ZBTB11: variants seen among roughly 807,000 people sequenced by gnomAD.
ZBTB11 encodes the protein zinc finger and BTB domain containing 11, also known as zinc finger and BTB domain-containing protein 11.
Under a neutral mutation model 113.1 loss-of-function variants are expected in ZBTB11, and 68 were observed. The observed-to-expected ratio is 0.60, with a 90% CI of 0.49 to 0.74. The LOEUF is 0.74. Among genes scored for constraint, ZBTB11 ranks in the 30% least tolerant of loss-of-function variants. The probability of loss-of-function intolerance (pLI) is 0.00; values close to 1 mark genes in which losing one functional copy is unlikely to be tolerated. For synonymous variants in ZBTB11, 518 were observed against 452.6 expected (o/e 1.14, Z -1.83); for missense variants, 1,104 against 1,279.4 (o/e 0.86, Z 2.09).
chr3:101,654,767 C>G lies in ZBTB11; in HGVS notation c.2246G>C (p.Gly749Ala), dbSNP rs1936766618. Residue 749 changes from glycine to alanine, a missense_variant, in exon 8 of 11, where the codon GGA (glycine) becomes GCA (alanine). Physicochemically the swap from Gly to Ala is moderately conservative, Grantham distance 60 (BLOSUM62 0). This residue lies in a region of ZBTB11 where 535 missense variants were observed against 518.6 expected (regional missense o/e 1.03). Coordinates refer to ENST00000312938, the MANE Select transcript of ZBTB11 (RefSeq NM_014415.4). The stretch of plus-strand genomic sequence containing the variant: ...GTGTTTCTTGAAGTGCTTGCTGAGT[C>G]CAGAGCCCCTATGAAAAGACTTTCC... ...VCGKSFHRGS[G>A]LSKHFKKHQP... 1.2e-6 allele frequency: 2 copies of G among 1,614,040 alleles called. No individual in the cohort carries two copies. Among genetic ancestry groups the G allele is most frequent in the Admixed American group, 1.7e-5 (1 of 59,988 alleles).
In ZBTB11 at chr3:101,676,676, A is replaced by G; in HGVS notation, c.239T>C (p.Leu80Pro). The G allele has an allele frequency of 1.9e-6, 3 of 1,594,812 alleles. No homozygotes were observed. The highest frequency in any genetic ancestry group is 2.6e-6 in the Non-Finnish European group (3 of 1,169,316). The change falls in exon 1 of 11, where the codon CTG (leucine) becomes CCG (proline). Residue 80 changes from leucine to proline, a missense_variant. Physicochemically the swap from Leu to Pro is moderately conservative, Grantham distance 98. Around this residue, in one of 5 missense-constraint regions of ZBTB11, gnomAD observed 245 missense variants for 272.5 expected, o/e 0.90. Transcript: ENST00000312938. ...GGTGTGGTGAGTGCCGCCGGGACCC[A>G]GGTGCGCCGCCTCGATGAGGTCCCG... ...RRRDLIEAAH[L>P]GPGGTHHTRH... is the part of the protein sequence containing the mutation.
intron 3 of ZBTB11, among the ~76,000 whole-genome samples, chr3:101,667,683 C>T (rs910846841): frequency 2.0e-5 from 3 of 151,804 alleles, no homozygotes; most frequent in Admixed American, 6.6e-5. Context: ...TTGTTTGAGA[C>T]GGAGTTTCGC....
chr3:101,674,833 AG>A, intron 1 of ZBTB11, among the ~76,000 whole-genome samples: 1 of 152,212 alleles, frequency 6.6e-6, no homozygotes, highest in South Asian at 2.1e-4. Context: ...ACTTAGAAAA[AG>A]AAAAATTCTG....
rs1465612358 is a variant in ZBTB11, at chr3:101,664,678, T to G, written c.1660A>C (p.Lys554Gln). Residue 554 changes from lysine to glutamine, a missense_variant, in exon 5 of 11, where the codon AAA becomes CAA. By Grantham distance (53) the Lys-to-Gln change is moderately conservative (BLOSUM62 1). This residue lies in a region of ZBTB11 where 535 missense variants were observed against 518.6 expected (regional missense o/e 1.03). Coordinates refer to ENST00000312938, the MANE Select transcript of ZBTB11 (RefSeq NM_014415.4). ...QKLVQRGKKM[K>Q]QPKRDAKENT... ...TCTTTAGCATCTCTTTTTGGCTGTT[T>G]CATCTTTTTTCCTCTTTGAACTAAC... 6.2e-7 allele frequency: 1 copy of G among 1,610,444 alleles called. No individual in the cohort carries two copies.
rs932591957 is a variant in ZBTB11, at chr3:101,659,966, T to C, written c.1863A>G (p.Arg621=). The C allele has an allele frequency of 2.1e-5, 34 of 1,614,116 alleles. No homozygotes were observed. Among genetic ancestry groups the C allele is most frequent in the Non-Finnish European group, 2.7e-5 (32 of 1,180,044 alleles). Residue 621 remains arginine (R), a synonymous_variant, in exon 6 of 11, where the codon AGA becomes AGG. Transcript: ENST00000312938. The part of the protein sequence containing the change: ...SLRAHLIRHT[R]KDAPSSSSSN... Reference sequence around the variant, plus strand: ...ACGAGGATGAAGAGGGTGCATCTTTTCTGGTATGACGAATAAGATGTGCTC... The same window carrying C: ...ACGAGGATGAAGAGGGTGCATCTTTCCTGGTATGACGAATAAGATGTGCTC...
chr3:101,649,299 A>G lies in ZBTB11; in HGVS notation c.*1867T>C, dbSNP rs1461076436. On this transcript the variant is annotated 3_prime_UTR_variant, in exon 11 of 11. Transcript: ENST00000312938. ...TCCATATCAATTATATGTAAGAGTA[A>G]GAAGTTTTAATATTGTGTTCCTCCA... 6.6e-6 allele frequency: 1 copy of G among 152,236 alleles called. No homozygotes were observed. Among genetic ancestry groups the G allele is most frequent in the East Asian group, 1.9e-4 (1 of 5,204 alleles). 9.4% of individuals were successfully genotyped at this position (152,236 alleles called of 1,614,324 possible).
chr3:101,662,771 T>G (rs1344811623), intron 5 of ZBTB11, among the ~76,000 whole-genome samples: 1 of 152,076 alleles, frequency 6.6e-6, no homozygotes, highest in Non-Finnish European at 1.5e-5. Flanking sequence ...AAATTGTCTT[T>G]TTTTTTTGGA....
intron 1 of ZBTB11, among the ~76,000 whole-genome samples, chr3:101,675,219 T>C (rs908344222): frequency 1.3e-5 from 2 of 152,280 alleles, no homozygotes; most frequent in African/African-American, 2.4e-5. Flanking sequence ...CTGAGACATT[T>C]GTTCAACAAA....
At chr3:101,653,873 A>T (rs1195172897) in intron 8 of ZBTB11, among the ~76,000 whole-genome samples, 1 of 152,130 alleles carries the variant, frequency 6.6e-6, no homozygotes, top group Non-Finnish European at 1.5e-5. Context: ...TTAAAAGAAA[A>T]GCAAAAGAGA....
chr3:101,676,710 C>A lies in ZBTB11; in HGVS notation c.205G>T (p.Glu69Ter). The change falls in exon 1 of 11, where the codon GAG (glutamate) becomes TAG (stop). Residue 69 changes from glutamate to a stop codon, truncating the protein, a stop_gained. Coordinates refer to ENST00000312938, the MANE Select transcript of ZBTB11 (RefSeq NM_014415.4). LOFTEE classifies it high-confidence loss of function. The stretch of plus-strand genomic sequence containing the variant: ...GCCTCGATGAGGTCCCGGCGTCGCT[C>A]CGGCTGCAGCACCACCTCCAGCTCC... ...FAELEVVLQP[E>*]RRRDLIEAAH... is the part of the protein sequence containing the mutation. 2 of 1,597,532 alleles carry A rather than the reference C, an allele frequency of 1.3e-6. No homozygotes were observed. Among genetic ancestry groups the A allele is most frequent in the South Asian group, 1.1e-5 (1 of 89,472 alleles).
intron 4 of ZBTB11, 103 bp downstream of exon 4, chr3:101,664,861 C>T: frequency 6.7e-7 from 1 of 1,496,690 alleles, no homozygotes; most frequent in Non-Finnish European, 9.0e-7. Context: ...ACCTTGTACC[C>T]ATCTCACCTC....
intron 1 of ZBTB11, chr3:101,676,396 A>C: frequency 1.7e-5 from 8 of 480,878 alleles, no homozygotes; most frequent in Non-Finnish European, 1.0e-5. Flanking sequence ...ACCCAGGGCC[A>C]GGGCCCGCCC....
rs377692579 is a variant in ZBTB11 at position 101,652,949 on chromosome 3, G to C, written c.2310-11C>G. 9.8e-5 allele frequency: 158 copies of C among 1,606,760 alleles called. No individual in the cohort carries two copies. Among genetic ancestry groups the C allele is most frequent in the Non-Finnish European group, 1.3e-4 (154 of 1,177,206 alleles). ...AAACTTTTTTCACATCTGCAATAAA[G>C]TTCAGTTACCCAATTGGATAATCTT... On this transcript the variant is annotated splice_polypyrimidine_tract_variant and intron_variant, in intron 8 of 10. Transcript: ENST00000312938.
chr3:101,672,275 T>G, intron 1 of ZBTB11, 62 bp from the exon 2 acceptor site: 1 of 1,197,452 alleles, frequency 8.4e-7, no homozygotes, highest in Admixed American at 2.2e-5. Context: ...AATATATTAT[T>G]TAGTCTGTGC....
At chr3:101,653,075 C>T (rs745480427) in intron 8 of ZBTB11, 137 bp from the exon 9 acceptor site, 28 of 955,204 alleles carry the variant, frequency 2.9e-5, no homozygotes, top group Non-Finnish European at 4.1e-5. Context: ...ATTTTCTAAT[C>T]TTACATAAAG....
Position 101,656,217 on chromosome 3 carries a change from C to T in ZBTB11, c.2078G>A (p.Gly693Asp). Residue 693 changes from glycine to aspartate, a missense_variant, in exon 7 of 11, where the codon GGT becomes GAT. Around this residue, in one of 5 missense-constraint regions of ZBTB11, gnomAD observed 535 missense variants for 518.6 expected, o/e 1.03. Coordinates refer to ENST00000312938, the MANE Select transcript of ZBTB11 (RefSeq NM_014415.4). ...VCGKTFIYKH[G>D]LKLHQSLHQS... ...ATGAAGACTCTGATGTAATTTTAGA[C>T]CATGCTTATAGATAAAAGTCTTTCC... 1.9e-6 allele frequency: 3 copies of T among 1,590,778 alleles called. No homozygotes were observed. Among genetic ancestry groups the T allele is most frequent in the East Asian group, 2.3e-5 (1 of 42,936 alleles).
intron 6 of ZBTB11, among the ~76,000 whole-genome samples, chr3:101,658,431 C>T (rs1309367704): frequency 6.6e-6 from 1 of 151,936 alleles, no homozygotes; most frequent in East Asian, 1.9e-4. Flanking sequence ...GGATTGTTAG[C>T]CAGGATGGTC....
rs376773040 is a variant in ZBTB11, at chr3:101,676,696, G to C, written c.219C>G (p.Asp73Glu). 2 of 1,598,366 alleles carry C rather than the reference G, an allele frequency of 1.3e-6. No homozygotes were observed. Among genetic ancestry groups the C allele is most frequent in the African/African-American group, 1.3e-5 (1 of 74,670 alleles). ...EVVLQPERRR[D>E]LIEAAHLGPG... ...GACCCAGGTGCGCCGCCTCGATGAG[G>C]TCCCGGCGTCGCTCCGGCTGCAGCA... The change falls in exon 1 of 11, where the codon GAC becomes GAG. Residue 73 changes from aspartate (D) to glutamate (E), a missense_variant. Asp to Glu is a conservative substitution (Grantham distance 45). Transcript: ENST00000312938.
intron 5 of ZBTB11, among the ~76,000 whole-genome samples, chr3:101,660,401 T>C (rs1036992263): frequency 1.8e-4 from 27 of 152,242 alleles, no homozygotes; most frequent in Non-Finnish European, 2.6e-4. Context: ...TTTTATCTCA[T>C]AGTTGAAGAT....
Sources: gnomAD v4.1 joint callset for allele counts (sites outside exome capture counted in the v4.1 genomes callset) on GRCh38, gnomAD v4.1.1 for gene constraint, gnomAD v4.1.1 regional missense constraint, MANE v1.5 for transcripts, NCBI Gene and HGNC (gene_info 2026-07-23, HGNC 2026-07-21) for gene names.